Variants in EVC2 observed in about 807,000 individuals in gnomAD.
EVC2 encodes the protein EvC ciliary complex subunit 2.
Under a neutral mutation model 149.3 loss-of-function variants are expected in EVC2, and 148 were observed. The ratio of observed to expected loss-of-function variants is 0.99; its 90% CI spans 0.87 to 1.14. EVC2 has a LOEUF of 1.14. EVC2 is among the 50% of genes most tolerant of loss of function. The probability of loss-of-function intolerance (pLI) is 0.00; values close to 1 mark genes in which losing one functional copy is unlikely to be tolerated. For missense variants in EVC2, 1,854 were observed against 1,627.3 expected (o/e 1.14, Z -2.40); for synonymous variants, 776 against 649.9 (o/e 1.19, Z -2.95).
At chr4:5,680,056 C>T (rs1024602663) in intron 7 of EVC2, among the ~76,000 whole-genome samples, 4 of 152,110 alleles carry the variant, frequency 2.6e-5, no homozygotes, top group Non-Finnish European at 5.9e-5. Context: ...CCTTCCACCC[C>T]GACACTCTGT....
intron 9 of EVC2, among the ~76,000 whole-genome samples, chr4:5,650,574 C>A (rs1718030619): frequency 7.6e-6 from 1 of 131,032 alleles, no homozygotes; most frequent in Non-Finnish European, 1.6e-5. Flanking sequence ...AGCAATAGTG[C>A]CTCTTACGAT....
intron 1 of EVC2, among the ~76,000 whole-genome samples, chr4:5,704,364 T>C (rs13121214): frequency 0.56 from 85,718 of 151,890 alleles, 24,729 homozygotes; most frequent in East Asian, 0.75. Flanking sequence ...CCAAGGCCTC[T>C]GGGCCCAGCA....
intron 7 of EVC2, among the ~76,000 whole-genome samples, chr4:5,675,997 G>A (rs1163341298): frequency 6.6e-6 from 1 of 152,186 alleles, no homozygotes; most frequent in Non-Finnish European, 1.5e-5. Flanking sequence ...ATGAATTGGG[G>A]TACCATAACA....
At chr4:5,552,079 G>A (rs1053831485) in intron 21 of EVC2, among the ~76,000 whole-genome samples, 3 of 152,064 alleles carry the variant, frequency 2.0e-5, no homozygotes, top group Non-Finnish European at 4.4e-5. Context: ...CCAGAAACAA[G>A]TACTTTCATT....
intron 1 of EVC2, among the ~76,000 whole-genome samples, chr4:5,702,354 T>C (rs79953939): frequency 0.016 from 2,371 of 152,242 alleles, 58 homozygotes; most frequent in African/African-American, 0.054. Context: ...AGAATGCAGG[T>C]TCCTCAAGAG....
In EVC2 at chr4:5,630,695, T is replaced by C. The variant is rs1284903734; in HGVS notation, c.1710+1098A>G. On this transcript the variant is annotated intron_variant, in intron 11 of 21. Transcript: ENST00000344408. ...GCACTGAGGAACAAATCAACCCCTA[T>C]GGACCTGACTCTGCCAGATGCTGCT... Among the ~76,000 whole-genome samples the C allele has an allele frequency of 2.0e-5, 3 of 152,188 alleles. No homozygotes were observed. In the East Asian group the frequency reaches 5.8e-4, roughly 29 times the overall value.
intron 21 of EVC2, among the ~76,000 whole-genome samples, chr4:5,554,315 G>T (rs2108760898): frequency 6.6e-6 from 1 of 152,280 alleles, no homozygotes; most frequent in African/African-American, 2.4e-5. Context: ...ACCATAACCA[G>T]TAAGAAACCT....
At chr4:5,653,898 T>C (rs984335182) in intron 9 of EVC2, among the ~76,000 whole-genome samples, 22 of 152,166 alleles carry the variant, frequency 1.4e-4, no homozygotes, top group African/African-American at 4.6e-4. Context: ...AATCTGGAGC[T>C]GCAATGGGAA....
In EVC2 at chr4:5,633,655, T is replaced by A. The variant is rs1045420892; in HGVS notation, c.1471-1623A>T. ...CCAAATGGCCAATAAAGGCCTGGCC[T>A]TGGGAAGCAGGCAGGTGTGGCATCA... On this transcript the variant is annotated intron_variant, in intron 10 of 21. Coordinates refer to ENST00000344408, the MANE Select transcript of EVC2 (RefSeq NM_147127.5). This position sits in a 1 kb window ranked among gnomAD's most constrained non-coding sequence, Gnocchi z 4.4. 3.3e-5 allele frequency among the ~76,000 whole-genome samples: 5 copies of A among 152,204 alleles called. No homozygotes were observed. The highest frequency in any genetic ancestry group is 6.5e-5 in the Admixed American group (1 of 15,288).
At chr4:5,697,747 T>TA (rs565689937) in intron 1 of EVC2, 100 bp from the exon 2 acceptor site, 1 of 417,702 alleles carries the variant, frequency 2.4e-6, no homozygotes, top group Non-Finnish European at 3.6e-6. Context: ...GGACATGCAC[T>TA]TTTTTTTTTT....
intron 21 of EVC2, among the ~76,000 whole-genome samples, chr4:5,544,047 C>T (rs1372619417): frequency 2.0e-5 from 3 of 152,076 alleles, no homozygotes; most frequent in African/African-American, 4.8e-5. Flanking sequence ...GGTGCTCACG[C>T]GGTGGAACTG....
intron 11 of EVC2, among the ~76,000 whole-genome samples, chr4:5,631,226 C>CAT (rs1286535816): frequency 6.6e-6 from 1 of 152,166 alleles, no homozygotes; most frequent in African/African-American, 2.4e-5. Context: ...CACATACATG[C>CAT]ATATATGTAT....
At chr4:5,535,482 C>T in the EVC2 span, among the ~76,000 whole-genome samples, 38 of 152,164 alleles carry the variant, frequency 2.5e-4, no homozygotes, top group Non-Finnish European at 4.6e-4. This position sits in a 1 kb window ranked among gnomAD's most constrained non-coding sequence, Gnocchi z 4.7. Flanking sequence ...GCTCGGACTG[C>T]TATAACAAAT....
intron 16 of EVC2, among the ~76,000 whole-genome samples, chr4:5,588,771 T>C (rs1459764440): frequency 1.3e-5 from 2 of 152,218 alleles, no homozygotes; most frequent in African/African-American, 4.8e-5. Context: ...ATCTTCCATA[T>C]CTATACTTAA....
At chr4:5,695,165 T>C (rs943543093) in intron 2 of EVC2, among the ~76,000 whole-genome samples, 6 of 151,934 alleles carry the variant, frequency 3.9e-5, no homozygotes, top group Non-Finnish European at 8.8e-5. Context: ...CTGGCCAACA[T>C]GGTGAAACCC....
At position 5,622,163 on chromosome 4, in the gene EVC2, C is replaced by G. The variant is rs907590674; in HGVS notation, c.2501+374G>C. Among the ~76,000 whole-genome samples the G allele has an allele frequency of 6.6e-6, 1 of 152,042 alleles. No homozygotes were observed. The highest frequency in any genetic ancestry group is 1.5e-5 in the Non-Finnish European group (1 of 67,996). On this transcript the variant is annotated intron_variant, in intron 14 of 21. Transcript: ENST00000344408. The surrounding 1 kb of genome is among the most constrained non-coding windows in gnomAD (Gnocchi z 5.8). ...GCTCCTGTGGATCATGTCCCCTCCCCAGGGGACATTTCTTATTAGGGGAAC... is the reference window on the plus strand; with the variant it reads ...GCTCCTGTGGATCATGTCCCCTCCCGAGGGGACATTTCTTATTAGGGGAAC...
intron 20 of EVC2, 64 bp downstream of exon 20, chr4:5,568,380 G>T: frequency 1.4e-6 from 2 of 1,477,578 alleles, no homozygotes; most frequent in Non-Finnish European, 1.8e-6. Context: ...ATGACCTTGA[G>T]GACTCATGGG....
intron 1 of EVC2, chr4:5,708,064 T>A: frequency 2.3e-6 from 1 of 427,376 alleles, no homozygotes; most frequent in Non-Finnish European, 4.1e-6. Context: ...GCTGGTGAAG[T>A]CCAAGCCGGC....
intron 7 of EVC2, among the ~76,000 whole-genome samples, chr4:5,675,055 C>T (rs894642129): frequency 2.6e-5 from 4 of 152,196 alleles, no homozygotes; most frequent in African/African-American, 9.7e-5. Context: ...TTCAAGGGCA[C>T]CTCCTAAGCC....
Sources: gnomAD v4.1 joint callset for allele counts (sites outside exome capture counted in the v4.1 genomes callset) on GRCh38, gnomAD v4.1.1 for gene constraint, Gnocchi (gnomAD v3.1) non-coding constraint, MANE v1.5 for transcripts, NCBI Gene and HGNC (gene_info 2026-07-23, HGNC 2026-07-21) for gene names.